GRK4: variants seen among roughly 807,000 people sequenced by gnomAD.
GRK4 encodes the protein G protein-coupled receptor kinase 2-like.
In GRK4, 73 loss-of-function variants were observed where a neutral mutation model predicts 77.9. That is an observed-to-expected ratio of 0.94 (90% CI 0.78 to 1.14). The LOEUF (loss-of-function observed/expected upper bound fraction) is 1.14. GRK4 is among the 50% of genes most tolerant of loss of function. GRK4 has a pLI of 0.00. For missense variants in GRK4, 729 were observed against 700.2 expected, an observed-to-expected ratio of 1.04 and a Z score of -0.46; for synonymous variants, 257 against 254.4, an observed-to-expected ratio of 1.01 and a Z score of -0.10.
At chr4:2,986,516 C>T (rs968796507) in intron 2 of GRK4, among the ~76,000 whole-genome samples, 6 of 151,366 alleles carry the variant, frequency 4.0e-5, no homozygotes, top group South Asian at 2.1e-4. Flanking sequence ...CCACCACGCC[C>T]GGCTAATTTT....
At chr4:3,024,978 A>G (rs979001529) in intron 10 of GRK4, among the ~76,000 whole-genome samples, 1 of 152,130 alleles carries the variant, frequency 6.6e-6, no homozygotes, top group Non-Finnish European at 1.5e-5. Flanking sequence ...ATTAATTTAA[A>G]GTCACTCAGA....
chr4:2,993,484 GC>G (rs1454979945), intron 4 of GRK4, among the ~76,000 whole-genome samples: 1 of 152,082 alleles, frequency 6.6e-6, no homozygotes, highest in Non-Finnish European at 1.5e-5. Context: ...CACAGGCCTG[GC>G]CAATATGGTG....
chr4:3,039,662 C>T (rs573981736), intron 15 of GRK4, among the ~76,000 whole-genome samples: 6 of 145,366 alleles, frequency 4.1e-5, no homozygotes, highest in Non-Finnish European at 7.5e-5. Context: ...TGCACCATTG[C>T]GCTCCAGCCT....
intron 6 of GRK4, 88 bp downstream of exon 6, chr4:3,007,916 T>C (rs1201169434): frequency 1.1e-6 from 1 of 875,498 alleles, no homozygotes; most frequent in Non-Finnish European, 1.8e-6. Context: ...GGCTGAAGGA[T>C]TGCTTAAGCC....
chr4:3,025,179 A>C (rs1361693809), intron 10 of GRK4, among the ~76,000 whole-genome samples: 1 of 149,856 alleles, frequency 6.7e-6, no homozygotes, highest in Admixed American at 6.7e-5. Flanking sequence ...GCTGAGGCAG[A>C]AGAATCGCTT....
chr4:3,020,681 T>A (rs1340561907), intron 9 of GRK4, among the ~76,000 whole-genome samples: 3 of 152,166 alleles, frequency 2.0e-5, no homozygotes, highest in African/African-American at 4.8e-5. Context: ...TCCTCCCTTC[T>A]GTGGGTTCAT....
At position 2,988,075 on chromosome 4, in the gene GRK4, C is replaced by CAAAAAAAAAAAAAAAAAAAAAAAAAAA. The variant is rs67664476; in HGVS notation, c.149-628_149-627insAAAAAAAAAAAAAAAAAAAAAAAAAAA. Among the ~76,000 whole-genome samples, 73 of 33,670 alleles carry CAAAAAAAAAAAAAAAAAAAAAAAAAAA rather than the reference C, an allele frequency of 2.2e-3. 4 individuals carry two copies. Among genetic ancestry groups the CAAAAAAAAAAAAAAAAAAAAAAAAAAA allele is most frequent in the Non-Finnish European group, 2.8e-3 (48 of 17,314 alleles). The allele number at this position is 33,670 out of a possible 152,430, so 22.1% of individuals were successfully genotyped here. A position where few individuals can be genotyped will look rare whatever the true frequency, so the allele number is the denominator to read the frequency against. On this transcript the variant is annotated intron_variant, in intron 2 of 15. Transcript: ENST00000398052. ...TGGATGACAGAGTGAGGCTCTGTCT[C>CAAAAAAAAAAAAAAAAAAAAAAAAAAA]AAAAAAAAAAAAAAAAAAAAAAAAG... is the stretch of plus-strand genomic sequence containing the variant.
In GRK4 at chr4:3,013,733, A is replaced by G; in HGVS notation, c.646A>G (p.Lys216Glu). ...AGCCACAGGAAAAATGTATGCCTGC[A>G]AAAAGCTACAAAAAAAAAGAATAAA... ...VRATGKMYACKKLQKKRIKKR... is the reference protein window; with the variant it reads ...VRATGKMYACEKLQKKRIKKR... The change falls in exon 8 of 16, where the codon AAA becomes GAA. Residue 216 changes from lysine to glutamate, a missense_variant. Physicochemically the swap from Lys to Glu is moderately conservative, Grantham distance 56. Transcript: ENST00000398052. 1 of 1,613,758 alleles carries G rather than the reference A, an allele frequency of 6.2e-7. No homozygotes were observed. Among genetic ancestry groups the G allele is most frequent in the Non-Finnish European group, 8.5e-7 (1 of 1,179,886 alleles).
chr4:2,970,650 C>A (rs376580264), intron 1 of GRK4, among the ~76,000 whole-genome samples: 1 of 149,890 alleles, frequency 6.7e-6, no homozygotes, highest in Non-Finnish European at 1.5e-5. Context: ...CGGTGAGACT[C>A]CATCTCAAAA....
intron 1 of GRK4, among the ~76,000 whole-genome samples, chr4:2,975,026 C>T (rs376894241): frequency 5.3e-5 from 8 of 152,180 alleles, no homozygotes; most frequent in African/African-American, 9.6e-5. Flanking sequence ...AGAATGAGGC[C>T]GGGCGCGGTG....
chr4:2,965,987 A>G (rs1717531871), intron 1 of GRK4: 1 of 168,226 alleles, frequency 5.9e-6, no homozygotes, highest in Admixed American at 5.4e-5. Context: ...TACAAAAAGG[A>G]ACTATACCAA....
At chr4:3,026,127 C>T (rs1431464533) in intron 10 of GRK4, among the ~76,000 whole-genome samples, 1 of 152,184 alleles carries the variant, frequency 6.6e-6, no homozygotes, top group Non-Finnish European at 1.5e-5. Flanking sequence ...TTGAATGTAT[C>T]CTTGATAGAG....
At position 2,992,215 on chromosome 4, in the gene GRK4, G is replaced by T; in HGVS notation, c.262G>T (p.Ala88Ser). ...KRHIEFLDAV[A>S]EYEVADDEDR... is the part of the protein sequence containing the mutation. ...TCTTTTCTTCCATCTCTCCAATCAG[G>T]CAGAATATGAAGTTGCCGATGATGA... The change falls in exon 4 of 16, where the codon GCA (alanine) becomes TCA (serine). Residue 88 changes from alanine (A) to serine (S), a missense_variant and splice_region_variant. Physicochemically the swap from Ala to Ser is moderately conservative, Grantham distance 99. Transcript: ENST00000398052. The T allele has an allele frequency of 6.2e-7, 1 of 1,604,248 alleles. No individual in the cohort carries two copies. Among genetic ancestry groups the T allele is most frequent in the Non-Finnish European group, 8.5e-7 (1 of 1,171,626 alleles).
chr4:2,988,075 C>CAAAAAAAAAAAAAAAAAAAA (rs67664476), intron 2 of GRK4, among the ~76,000 whole-genome samples: 350 of 33,592 alleles, frequency 0.01, 15 homozygotes, highest in Non-Finnish European at 0.012. Context: ...GGCTCTGTCT[C>CAAAAAAAAAAAAAAAAAAAA]AAAAAAAAAA....
rs149857577 is a variant in GRK4, at chr4:2,990,000, C to T, written c.261+1161C>T. 3.9e-4 allele frequency among the ~76,000 whole-genome samples: 59 copies of T among 152,156 alleles called. No individual in the cohort carries two copies. The East Asian group carries it at 0.01, about 26-fold the overall frequency. Reference sequence around the variant, plus strand: ...CTGCTTTGGCCTGTCTTAATTGTATCGGCAAATATGTATTGAGTGCTTATT... The same window carrying T: ...CTGCTTTGGCCTGTCTTAATTGTATTGGCAAATATGTATTGAGTGCTTATT... On this transcript the variant is annotated intron_variant, in intron 3 of 15. Coordinates refer to ENST00000398052, the MANE Select transcript of GRK4 (RefSeq NM_182982.3).
In GRK4 at chr4:2,963,924, C is replaced by G. The variant is rs2109332648; in HGVS notation, c.-147C>G. On this transcript the variant is annotated 5_prime_UTR_variant, in exon 1 of 16. Transcript: ENST00000398052. Reference sequence around the variant, plus strand: ...GCGCCCTTGGTGGCAGTGGTGGCGGCGGAGCAGCCTCCCGGGATCGTGTCC... The same window carrying G: ...GCGCCCTTGGTGGCAGTGGTGGCGGGGGAGCAGCCTCCCGGGATCGTGTCC... 1 of 759,718 alleles carries G rather than the reference C, an allele frequency of 1.3e-6. No homozygotes were observed. Among genetic ancestry groups the G allele is most frequent in the Admixed American group, 2.2e-5 (1 of 45,526 alleles). The allele number at this position is 759,718 out of a possible 1,614,324, so 47.1% of individuals were successfully genotyped here.
At chr4:2,967,834 G>A (rs1045499313) in intron 1 of GRK4, among the ~76,000 whole-genome samples, 5 of 151,736 alleles carry the variant, frequency 3.3e-5, no homozygotes, top group African/African-American at 4.8e-5. Flanking sequence ...GCCCAGGCTG[G>A]AGTGCAATGG....
intron 7 of GRK4, among the ~76,000 whole-genome samples, chr4:3,013,190 C>T (rs939231167): frequency 4.0e-5 from 6 of 151,654 alleles, no homozygotes; most frequent in Admixed American, 2.0e-4. Flanking sequence ...GCTACAGGCA[C>T]CCGCCACCAT....
intron 7 of GRK4, among the ~76,000 whole-genome samples, chr4:3,011,786 G>A (rs1732986985): frequency 6.6e-6 from 1 of 152,198 alleles, no homozygotes; most frequent in African/African-American, 2.4e-5. Context: ...GTTTTATTTT[G>A]TCAACAGTAA....
Sources: allele counts gnomAD v4.1 joint callset (sites outside exome capture counted in the v4.1 genomes callset), GRCh38; gene constraint gnomAD v4.1.1; transcripts MANE v1.5; gene names NCBI Gene and HGNC (gene_info 2026-07-23, HGNC 2026-07-21).